EDEM1: variants seen among roughly 807,000 people sequenced by gnomAD.
The protein encoded by EDEM1 is ER degradation enhancing alpha-mannosidase like protein 1, also known as ER degradation-enhancing alpha-mannosidase-like protein 1.
EDEM1 carries 67 observed loss-of-function variants against 74.4 expected under a neutral mutation model. That is an observed-to-expected ratio of 0.90 (90% confidence interval 0.74 to 1.10). The LOEUF (loss-of-function observed/expected upper bound fraction) is 1.10. Among genes scored for constraint, EDEM1 ranks in the 50% least tolerant of loss-of-function variants. The pLI is 0.00. For synonymous variants in EDEM1, 382 were observed against 335.9 expected, an observed-to-expected ratio of 1.14 and a Z score of -1.50; for missense variants, 926 against 851.6, an observed-to-expected ratio of 1.09 and a Z score of -1.09.
Position 5,215,810 on chromosome 3 carries a change from C to T in EDEM1, c.1885-19C>T, listed in dbSNP as rs369149162. On this transcript the variant is annotated intron_variant, in intron 11 of 11. Coordinates refer to ENST00000256497, the MANE Select transcript of EDEM1 (RefSeq NM_014674.3). ...GCAACATATGAGTTTTTAATTTTCC[C>T]TCGTTTTTGTCTTTCTAGTGCAATC... 6.3e-5 allele frequency: 102 copies of T among 1,608,732 alleles called. No homozygotes were observed. Among genetic ancestry groups the T allele is most frequent in the Middle Eastern group, 1.6e-4 (1 of 6,066 alleles).
At position 5,216,496 on chromosome 3, in the gene EDEM1, T is replaced by C. The variant is rs2055238876; in HGVS notation, c.*578T>C. 1 of 152,220 alleles carries C rather than the reference T, an allele frequency of 6.6e-6. No homozygotes were observed. The highest frequency in any genetic ancestry group is 1.5e-5 in the Non-Finnish European group (1 of 68,054). 9.4% of individuals were successfully genotyped at this position (152,220 alleles called of 1,614,324 possible). ...GCAAAAGGGCCCATGGTTCATTTGG[T>C]ATCCCTATTTAATTGCATTGAAAAT... On this transcript the variant is annotated 3_prime_UTR_variant, in exon 12 of 12. Coordinates refer to ENST00000256497, the MANE Select transcript of EDEM1 (RefSeq NM_014674.3).
At chr3:5,200,174 C>T (rs529766002) in intron 3 of EDEM1, among the ~76,000 whole-genome samples, 7 of 152,254 alleles carry the variant, frequency 4.6e-5, no homozygotes, top group East Asian at 3.9e-4. Context: ...TCAAGTGATC[C>T]GCCTGCCTTG....
rs151099815 is a variant in EDEM1 at position 5,213,522 on chromosome 3, C to T, written c.1884C>T (p.Asn628=). Residue 628 remains asparagine, a splice_region_variant and synonymous_variant, in exon 11 of 12, where the codon AAC becomes AAT. Coordinates refer to ENST00000256497, the MANE Select transcript of EDEM1 (RefSeq NM_014674.3). ...HELKVINSSS[N]CNRVPDERRY... ...TAAAAGTCATCAACTCCAGCTCCAACGTGAGTTGCTTTTTCCAGGGGTGAT... is the reference window on the plus strand; with the variant it reads ...TAAAAGTCATCAACTCCAGCTCCAATGTGAGTTGCTTTTTCCAGGGGTGAT... 211 of 1,601,864 alleles carry T rather than the reference C, an allele frequency of 1.3e-4. No individual in the cohort carries two copies. The East Asian group carries it at 4.3e-3, about 32-fold the overall frequency.
Position 5,218,783 on chromosome 3 carries a change from C to T in EDEM1, c.*2865C>T, listed in dbSNP as rs1014551450. 6.6e-6 allele frequency: 1 copy of T among 152,168 alleles called. No homozygotes were observed. Among genetic ancestry groups the T allele is most frequent in the African/African-American group, 2.4e-5 (1 of 41,438 alleles). 9.4% of individuals were successfully genotyped at this position (152,168 alleles called of 1,614,324 possible). A position where few individuals can be genotyped will look rare whatever the true frequency, so the allele number is the denominator to read the frequency against. On this transcript the variant is annotated 3_prime_UTR_variant, in exon 12 of 12. Coordinates refer to ENST00000256497, the MANE Select transcript of EDEM1 (RefSeq NM_014674.3). Reference sequence around the variant, plus strand: ...ATCATAGGTGGCAAGGGAGGGTTTGCTAGCTCTCCATTTGCACTGGCCATT... The same window carrying T: ...ATCATAGGTGGCAAGGGAGGGTTTGTTAGCTCTCCATTTGCACTGGCCATT...
intron 3 of EDEM1, among the ~76,000 whole-genome samples, chr3:5,201,173 T>C (rs1417462879): frequency 1.3e-5 from 2 of 152,046 alleles, no homozygotes; most frequent in Non-Finnish European, 2.9e-5. Flanking sequence ...TTTTTTTTTT[T>C]AAGAGACAGG....
In EDEM1 at chr3:5,196,930, C is replaced by CTT. The variant is rs1488633815; in HGVS notation, c.582+1652_582+1653dup. 1.6e-3 allele frequency among the ~76,000 whole-genome samples: 241 copies of CTT among 148,762 alleles called. 2 individuals carry two copies. Among genetic ancestry groups the CTT allele is most frequent in the African/African-American group, 5.6e-3 (224 of 39,670 alleles). ...TCGTCGTCGTCTTTTCTTTTCTTTT[C>CTT]TTTTCTTTTTTTTTTTTTTGAGAGA... On this transcript the variant is annotated intron_variant, in intron 2 of 11. Coordinates refer to ENST00000256497, the MANE Select transcript of EDEM1 (RefSeq NM_014674.3).
At chr3:5,208,311 C>T (rs1345208065) in intron 8 of EDEM1, 48 bp downstream of exon 8, 1 of 1,577,516 alleles carries the variant, frequency 6.3e-7, no homozygotes, top group Admixed American at 1.9e-5. Flanking sequence ...CCTCCCCTGA[C>T]CCCAGCAGTT....
intron 3 of EDEM1, 89 bp from the exon 4 acceptor site, chr3:5,201,664 A>T: frequency 1.3e-6 from 2 of 1,500,026 alleles, no homozygotes; most frequent in East Asian, 2.3e-5. Flanking sequence ...GTCTATGTGG[A>T]TATGAACATA....
chr3:5,199,598 G>A lies in EDEM1; in HGVS notation c.589G>A (p.Gly197Arg), dbSNP rs1351412535. Residue 197 changes from glycine (G) to arginine (R), a missense_variant, in exon 3 of 12, where the codon GGA becomes AGA. Physicochemically the swap from Gly to Arg is moderately radical, Grantham distance 125. Transcript: ENST00000256497. ...TGTGTTCCTCTTTTTAAAGATAATG[G>A]GAAATTCATCCGAGTTCCAGAAAGC... ...VDALDTLAIM[G>R]NSSEFQKAVK... The A allele has an allele frequency of 1.6e-5, 25 of 1,610,448 alleles. No homozygotes were observed. The highest frequency in any genetic ancestry group is 2.1e-5 in the Non-Finnish European group (25 of 1,177,992).
intron 5 of EDEM1, among the ~76,000 whole-genome samples, 152 bp from the exon 6 acceptor site, chr3:5,204,914 TA>T (rs1180281227): frequency 6.6e-6 from 1 of 152,230 alleles, no homozygotes; most frequent in African/African-American, 2.4e-5. Context: ...ATAAGACTGA[TA>T]AAAATGTTAG....
chr3:5,211,354 C>G (rs773632936), intron 10 of EDEM1, 138 bp downstream of exon 10: 1 of 793,188 alleles, frequency 1.3e-6, no homozygotes, highest in South Asian at 1.6e-5. Flanking sequence ...CAAACGCTGT[C>G]AGAACCAAAG....
chr3:5,213,022 T>C (rs920789872), intron 10 of EDEM1, among the ~76,000 whole-genome samples: 5 of 152,202 alleles, frequency 3.3e-5, no homozygotes, highest in African/African-American at 1.2e-4. Flanking sequence ...CAGTGAACTT[T>C]TATAGACTAC....
chr3:5,188,479 C>G, intron 1 of EDEM1, 165 bp downstream of exon 1: 1 of 776,556 alleles, frequency 1.3e-6, no homozygotes, highest in Non-Finnish European at 1.8e-6. Context: ...GTGAAGACCC[C>G]CGAGCTTGAG....
chr3:5,199,940 CT>C (rs746855500), intron 3 of EDEM1, among the ~76,000 whole-genome samples: 2,506 of 135,272 alleles, frequency 0.019, 27 homozygotes, highest in African/African-American at 0.056. Context: ...AGATTAAACT[CT>C]TTTTTTTTTT....
At chr3:5,211,398 T>G (rs1465255635) in intron 10 of EDEM1, 182 bp downstream of exon 10, 1 of 583,578 alleles carries the variant, frequency 1.7e-6, no homozygotes, top group African/African-American at 1.9e-5. Context: ...TTTCCAACCT[T>G]GTTGAAAAGT....
chr3:5,194,900 G>A (rs941750482), intron 1 of EDEM1, among the ~76,000 whole-genome samples: 2 of 152,204 alleles, frequency 1.3e-5, no homozygotes, highest in African/African-American at 2.4e-5. Context: ...ACAGGACCAA[G>A]GAGATTGTCT....
chr3:5,215,798 T>G, intron 11 of EDEM1, 31 bp from the exon 12 acceptor site: 1 of 1,594,690 alleles, frequency 6.3e-7, no homozygotes, highest in Non-Finnish European at 8.6e-7. Context: ...ACATATGAGT[T>G]TTTAATTTTC....
In EDEM1 at chr3:5,187,998, G is replaced by C. The variant is rs765846281; in HGVS notation, c.193G>C (p.Gly65Arg). 7.5e-5 allele frequency: 113 copies of C among 1,512,074 alleles called. No homozygotes were observed. Among genetic ancestry groups the C allele is most frequent in the African/African-American group, 2.3e-4 (16 of 69,296 alleles). 93.7% of individuals were successfully genotyped at this position (1,512,074 alleles called of 1,614,324 possible). A position where few individuals can be genotyped will look rare whatever the true frequency, so the allele number is the denominator to read the frequency against. The change falls in exon 1 of 12, where the codon GGG (glycine) becomes CGG (arginine). Residue 65 changes from glycine (G) to arginine (R), a missense_variant. Coordinates refer to ENST00000256497, the MANE Select transcript of EDEM1 (RefSeq NM_014674.3). ...CTCGGGGCCCGTGGGCCGGCCTGGG[G>C]GGGTATCCGGGCCGTCGTGGCTGCA... ...PTSGPVGRPG[G>R]VSGPSWLQPP...
intron 11 of EDEM1, 28 bp downstream of exon 11, chr3:5,213,550 G>A (rs990076697): frequency 6.4e-7 from 1 of 1,574,196 alleles, no homozygotes. Context: ...GGGGTGATTT[G>A]CATATAGAGG....
Sources: gnomAD v4.1 joint callset for allele counts (sites outside exome capture counted in the v4.1 genomes callset) on GRCh38, gnomAD v4.1.1 for gene constraint, MANE v1.5 for transcripts, NCBI Gene and HGNC (gene_info 2026-07-23, HGNC 2026-07-21) for gene names.